CDH18: variants seen among roughly 807,000 people sequenced by gnomAD.
CDH18 encodes cadherin 18, also known as cadherin-18.
In CDH18, 31 loss-of-function variants were observed where a neutral mutation model predicts 67.9. The observed-to-expected ratio is 0.46, with a 90% CI of 0.34 to 0.62. CDH18 has a LOEUF of 0.62. CDH18 is among the 20% of genes least tolerant of loss of function. The pLI, the probability that CDH18 is intolerant of heterozygous loss-of-function variation, is 0.01. For missense variants in CDH18, 890 were observed against 975.5 expected (o/e 0.91, Z 1.17); for synonymous variants, 362 against 347.2 (o/e 1.04, Z -0.48).
chr5:20,406,201 A>T (rs1188713946), intron 1 of CDH18, among the ~76,000 whole-genome samples: 1 of 152,212 alleles, frequency 6.6e-6, no homozygotes, highest in Non-Finnish European at 1.5e-5. Context: ...CAACAATGAT[A>T]GACTGGATTA....
chr5:20,518,305 T>C (rs1008541168), intron 1 of CDH18, among the ~76,000 whole-genome samples: 5 of 152,112 alleles, frequency 3.3e-5, no homozygotes. Flanking sequence ...TTAGATGGGT[T>C]CATTAATTAA....
intron 1 of CDH18, among the ~76,000 whole-genome samples, chr5:19,987,100 A>G (rs1013169479): frequency 2.6e-5 from 4 of 152,176 alleles, no homozygotes; most frequent in Non-Finnish European, 5.9e-5. Flanking sequence ...TTGACTTCCA[A>G]CAGGAAAAAA....
At chr5:20,538,972 T>A (rs979495959) in intron 1 of CDH18, among the ~76,000 whole-genome samples, 2 of 132,250 alleles carry the variant, frequency 1.5e-5, no homozygotes, top group South Asian at 5.5e-4. Flanking sequence ...CACTGCAACA[T>A]CTGCCTCCTG....
intron 1 of CDH18, among the ~76,000 whole-genome samples, chr5:20,322,594 A>G (rs960731725): frequency 6.6e-6 from 1 of 152,140 alleles, no homozygotes; most frequent in African/African-American, 2.4e-5. Context: ...AAAGTACTAA[A>G]AAGTGCCTGG....
In CDH18 at chr5:19,583,185, G is replaced by A. The variant is rs548007672; in HGVS notation, c.999+7872C>T. The stretch of plus-strand genomic sequence containing the variant: ...GTAGTACACATAGATACACACTCAG[G>A]AAAATTATCAGTACATTCACAGTAA... On this transcript the variant is annotated intron_variant, in intron 7 of 12. Transcript: ENST00000382275. 9.9e-5 allele frequency among the ~76,000 whole-genome samples: 15 copies of A among 151,998 alleles called. No individual in the cohort carries two copies. The South Asian group carries it at 2.5e-3, about 25-fold the overall frequency.
chr5:19,541,233 T>A (rs1027067261), intron 9 of CDH18, among the ~76,000 whole-genome samples: 5 of 152,008 alleles, frequency 3.3e-5, no homozygotes, highest in African/African-American at 1.2e-4. Context: ...ATTGTTTATA[T>A]CACTATAAGC....
At chr5:19,567,901 T>TA (rs1386152865) in intron 8 of CDH18, among the ~76,000 whole-genome samples, 1 of 152,148 alleles carries the variant, frequency 6.6e-6, no homozygotes, top group Non-Finnish European at 1.5e-5. Flanking sequence ...ATAGGACAAT[T>TA]ACTGAGACAA....
chr5:20,567,759 G>A (rs985407251), intron 1 of CDH18, among the ~76,000 whole-genome samples: 2 of 152,130 alleles, frequency 1.3e-5, no homozygotes, highest in African/African-American at 4.8e-5. Context: ...CATCATAGAA[G>A]AGAGGACAGA....
intron 7 of CDH18, among the ~76,000 whole-genome samples, chr5:19,582,996 C>T (rs898047181): frequency 6.6e-5 from 10 of 151,756 alleles, no homozygotes; most frequent in Non-Finnish European, 1.2e-4. Context: ...CTTTAAAAAA[C>T]AAATTTATAA....
At chr5:20,096,921 G>A (rs558876405) in intron 2 of CDH18, among the ~76,000 whole-genome samples, 1 of 152,214 alleles carries the variant, frequency 6.6e-6, no homozygotes, top group South Asian at 2.1e-4. Flanking sequence ...CACTTTACAT[G>A]TAGGAAGAAA....
intron 1 of CDH18, among the ~76,000 whole-genome samples, chr5:20,309,826 A>T (rs910763195): frequency 7.2e-5 from 11 of 152,202 alleles, no homozygotes; most frequent in Admixed American, 6.5e-5. Flanking sequence ...TTTCACATGC[A>T]TCTGCATATA....
chr5:19,551,227 A>C (rs1737392704), intron 8 of CDH18, among the ~76,000 whole-genome samples: 1 of 152,204 alleles, frequency 6.6e-6, no homozygotes, highest in Non-Finnish European at 1.5e-5. Context: ...CCCAGTTTTC[A>C]GATATCAGAG....
chr5:19,576,346 C>T (rs574213928), intron 7 of CDH18, among the ~76,000 whole-genome samples: 2 of 151,560 alleles, frequency 1.3e-5, no homozygotes, highest in South Asian at 2.1e-4. Flanking sequence ...AATTGTACAT[C>T]GGATAAGGGC....
intron 1 of CDH18, among the ~76,000 whole-genome samples, chr5:20,400,058 C>T (rs1251637577): frequency 7.9e-5 from 12 of 152,140 alleles, no homozygotes; most frequent in Admixed American, 7.9e-4. Flanking sequence ...AGAAAACCTG[C>T]TGTGTGGTAT....
chr5:20,296,706 T>G (rs1747566970), intron 1 of CDH18, among the ~76,000 whole-genome samples: 1 of 151,958 alleles, frequency 6.6e-6, no homozygotes, highest in Non-Finnish European at 1.5e-5. Context: ...CATTTTTACT[T>G]AATTATATTG....
intron 2 of CDH18, among the ~76,000 whole-genome samples, chr5:20,095,423 GAAAGAAAGAA>G (rs1197627985): frequency 8.1e-6 from 1 of 122,862 alleles, no homozygotes; most frequent in Non-Finnish European, 1.7e-5. Flanking sequence ...AAGAAAGAAA[GAAAGAAAGAA>G]AGAAAGAAAG....
intron 5 of CDH18, among the ~76,000 whole-genome samples, chr5:19,654,050 C>T (rs1255598537): frequency 1.3e-5 from 2 of 152,160 alleles, no homozygotes; most frequent in African/African-American, 4.8e-5. Flanking sequence ...TCTCATACTT[C>T]TCATCACAGG....
chr5:19,560,782 C>A (rs992974793), intron 8 of CDH18, among the ~76,000 whole-genome samples: 2 of 151,928 alleles, frequency 1.3e-5, no homozygotes, highest in African/African-American at 4.8e-5. Flanking sequence ...GGACTAATAT[C>A]CAGAATCTAC....
chr5:20,305,123 C>T (rs1736306130), intron 1 of CDH18: 1 of 1,526,322 alleles, frequency 6.6e-7, no homozygotes, highest in Non-Finnish European at 9.1e-7. Flanking sequence ...CCAAAGGCTA[C>T]CTTGGGCTCT....
Sources: gnomAD v4.1 joint callset for allele counts (sites outside exome capture counted in the v4.1 genomes callset) on GRCh38, gnomAD v4.1.1 for gene constraint, MANE v1.5 for transcripts, NCBI Gene and HGNC (gene_info 2026-07-23, HGNC 2026-07-21) for gene names.